Variants in ZNF365 observed in about 807,000 individuals in gnomAD.
ZNF365 encodes the protein protein ZNF365.
Under a neutral mutation model 35.0 loss-of-function variants are expected in ZNF365, and 22 were observed. The ratio of observed to expected loss-of-function variants is 0.63; its 90% CI spans 0.45 to 0.90. ZNF365 has a LOEUF of 0.90. Ranked by LOEUF, ZNF365 falls within the 40% of genes least tolerant of loss-of-function variation. The pLI, the probability that ZNF365 is intolerant of heterozygous loss-of-function variation, is 0.00. For synonymous variants in ZNF365, 188 were observed against 196.2 expected (o/e 0.96, Z 0.35); for missense variants, 448 against 500.3 (o/e 0.90, Z 1.00).
intron 3 of ZNF365, among the ~76,000 whole-genome samples, chr10:62,390,918 G>A (rs1004214577): frequency 6.6e-6 from 1 of 152,196 alleles, no homozygotes; most frequent in Non-Finnish European, 1.5e-5. Context: ...TAGTATAGCT[G>A]TATAGGGCAT....
chr10:62,413,337 T>G (rs1346674170), intron 3 of ZNF365, among the ~76,000 whole-genome samples: 1 of 152,176 alleles, frequency 6.6e-6, no homozygotes, highest in East Asian at 1.9e-4. Flanking sequence ...AATGAAAATG[T>G]GCATTGTGAA....
chr10:62,433,684 T>A (rs1840365679), intron 3 of ZNF365, among the ~76,000 whole-genome samples: 1 of 152,146 alleles, frequency 6.6e-6, no homozygotes, highest in Admixed American at 6.5e-5. Context: ...TGAGATGGCA[T>A]CGGTAGAGCT....
intron 3 of ZNF365, among the ~76,000 whole-genome samples, chr10:62,445,712 T>C (rs1389334797): frequency 6.6e-6 from 1 of 152,204 alleles, no homozygotes; most frequent in Non-Finnish European, 1.5e-5. Flanking sequence ...TCTCTACTTT[T>C]GTGTATGTTT....
In ZNF365 at chr10:62,376,743, A is replaced by T; in HGVS notation, c.550A>T (p.Thr184Ser). 6.2e-7 allele frequency: 1 copy of T among 1,614,206 alleles called. No individual in the cohort carries two copies. Among genetic ancestry groups the T allele is most frequent in the Non-Finnish European group, 8.5e-7 (1 of 1,180,042 alleles). ...CATTGAGAAGAGAATTGATAAACTC[A>T]CCAAAGAGTTGGCCCAGAAAACTGC... ...RTIEKRIDKL[T>S]KELAQKTAEL... Residue 184 changes from threonine to serine, a missense_variant, in exon 2 of 5, where the codon ACC (threonine) becomes TCC (serine). This residue lies in a region of ZNF365 where 362 missense variants were observed against 375.7 expected (regional missense o/e 0.96). Transcript: ENST00000395254.
intron 3 of ZNF365, among the ~76,000 whole-genome samples, chr10:62,410,092 T>G (rs1334614073): frequency 6.6e-6 from 1 of 152,176 alleles, no homozygotes; most frequent in Non-Finnish European, 1.5e-5. Context: ...GACTTCTATC[T>G]GAAATTATCT....
chr10:62,399,939 G>C lies in ZNF365; in HGVS notation c.*150G>C. ...CAGGCAAGCACCTCAATTAACCAGA[G>C]CTTAGCAAATGGGAATCTTAGTGAA... On this transcript the variant is annotated 3_prime_UTR_variant, in exon 5 of 5. Transcript: ENST00000395254. The C allele has an allele frequency of 7.3e-7, 1 of 1,371,494 alleles. No homozygotes were observed. Among genetic ancestry groups the C allele is most frequent in the African/African-American group, 1.4e-5 (1 of 69,224 alleles). The allele number at this position is 1,371,494 out of a possible 1,614,324, so 85.0% of individuals were successfully genotyped here.
rs918846805 is a variant in ZNF365, at chr10:62,400,251, G to T, written c.*462G>T. 2 of 988,390 alleles carry T rather than the reference G, an allele frequency of 2.0e-6. No homozygotes were observed. The highest frequency in any genetic ancestry group is 3.5e-5 in the African/African-American group (2 of 57,246). 61.2% of individuals were successfully genotyped at this position (988,390 alleles called of 1,614,324 possible). On this transcript the variant is annotated 3_prime_UTR_variant, in exon 5 of 5. Coordinates refer to ENST00000395254, the MANE Select transcript of ZNF365 (RefSeq NM_014951.3). ...GTAAAATGAAAATATTTGTGTTTGT[G>T]TATAACCTTCCCCTCAGCTAATTTG...
chr10:62,406,871 T>A (rs1270396704), downstream of ZNF365, among the ~76,000 whole-genome samples: 1 of 152,222 alleles, frequency 6.6e-6, no homozygotes, highest in Non-Finnish European at 1.5e-5. Context: ...GAGAGAACTG[T>A]ATCTACCCTG....
rs1444653626 is a variant in ZNF365, at chr10:62,380,467, T to TA, written c.743+3531_743+3532insA. On this transcript the variant is annotated intron_variant, in intron 2 of 4. Coordinates refer to ENST00000395254, the MANE Select transcript of ZNF365 (RefSeq NM_014951.3). Reference sequence around the variant, plus strand: ...CATTTGTTTATGTTATCAGTAAGGCTTCTGGTTAGCAGTAGGCTATTAGGA... The same window carrying TA: ...CATTTGTTTATGTTATCAGTAAGGCTATCTGGTTAGCAGTAGGCTATTAGGA... 2.0e-5 allele frequency among the ~76,000 whole-genome samples: 3 copies of TA among 152,258 alleles called. No homozygotes were observed. In the East Asian group the frequency reaches 5.8e-4, roughly 29 times the overall value.
At chr10:62,384,270 C>T (rs1390668780) in intron 2 of ZNF365, among the ~76,000 whole-genome samples, 1 of 152,150 alleles carries the variant, frequency 6.6e-6, no homozygotes, top group Non-Finnish European at 1.5e-5. Context: ...ACACTGTATT[C>T]TGAGTCACAG....
chr10:62,471,936 G>A (rs919859898), intron 4 of ZNF365, among the ~76,000 whole-genome samples: 2 of 152,210 alleles, frequency 1.3e-5, no homozygotes, highest in African/African-American at 4.8e-5. Flanking sequence ...GACTCCTTAT[G>A]TTTCCACAAA....
At chr10:62,405,387 C>T (rs1839890332), downstream of ZNF365, among the ~76,000 whole-genome samples, 1 of 152,156 alleles carries the variant, frequency 6.6e-6, no homozygotes, top group East Asian at 1.9e-4. Context: ...CTTATGATGG[C>T]TTGAAAGGGT....
intron 3 of ZNF365, among the ~76,000 whole-genome samples, chr10:62,416,678 C>T (rs1405991206): frequency 6.6e-6 from 1 of 151,990 alleles, no homozygotes; most frequent in African/African-American, 2.4e-5. Flanking sequence ...TTCAGAAATG[C>T]TTGGGACTAG....
intron 3 of ZNF365, among the ~76,000 whole-genome samples, chr10:62,437,399 G>T (rs114703519): frequency 4.6e-5 from 7 of 152,132 alleles, no homozygotes; most frequent in South Asian, 2.1e-4. Context: ...GAAATTCTAC[G>T]CACGTCATAG....
At chr10:62,458,904 C>G (rs1386020490) in intron 3 of ZNF365, among the ~76,000 whole-genome samples, 1 of 152,116 alleles carries the variant, frequency 6.6e-6, no homozygotes, top group Non-Finnish European at 1.5e-5. Context: ...ACTGAACAAT[C>G]CTAAACCCTA....
chr10:62,450,409 G>A lies in ZNF365; in HGVS notation c.925-9332G>A, dbSNP rs552235667. ...GATTTTTCCAAGTCACACAGTTACC[G>A]TGTGAACTGAACTGTCAAAGAAGGC... On this transcript the variant is annotated intron_variant, in intron 3 of 4. Coordinates refer to the ZNF365 transcript ENST00000395255. Among the ~76,000 whole-genome samples, 5 of 152,266 alleles carry A rather than the reference G, an allele frequency of 3.3e-5. No homozygotes were observed. The South Asian group carries it at 6.2e-4, about 19-fold the overall frequency.
intron 3 of ZNF365, among the ~76,000 whole-genome samples, chr10:62,419,927 GTTA>G (rs1840140076): frequency 1.3e-5 from 2 of 151,756 alleles, no homozygotes; most frequent in South Asian, 4.2e-4. Flanking sequence ...CACTTTTTAG[GTTA>G]TTATAATTCC....
chr10:62,452,868 A>G (rs1421661680), intron 3 of ZNF365, among the ~76,000 whole-genome samples: 3 of 152,270 alleles, frequency 2.0e-5, no homozygotes, highest in Non-Finnish European at 4.4e-5. Context: ...AGGACTGGGC[A>G]GGCCCAAGGT....
rs1244173513 is a variant in ZNF365, at chr10:62,376,169, C to T, written c.-13-12C>T. 5.6e-6 allele frequency: 9 copies of T among 1,610,826 alleles called. No homozygotes were observed. In the South Asian group the frequency reaches 8.8e-5, roughly 16 times the overall value. On this transcript the variant is annotated splice_polypyrimidine_tract_variant and intron_variant, in intron 1 of 4. Transcript: ENST00000395254. ...CAGCCGACTTGTAAACTACCTATTT[C>T]CCCCCTCCCAGGACTTTTAGAGTAA... is the stretch of plus-strand genomic sequence containing the variant.
Sources: allele counts gnomAD v4.1 joint callset (sites outside exome capture counted in the v4.1 genomes callset), GRCh38; gene constraint gnomAD v4.1.1; regional missense constraint gnomAD v4.1.1; transcripts MANE v1.5; gene names NCBI Gene and HGNC (gene_info 2026-07-23, HGNC 2026-07-21).